Variants in SPATS2L observed in about 807,000 individuals in gnomAD.
SPATS2L encodes the protein spermatogenesis associated serine rich 2 like.
Under a neutral mutation model 59.6 loss-of-function variants are expected in SPATS2L, and 30 were observed. The ratio of observed to expected loss-of-function variants is 0.50; its 90% CI spans 0.38 to 0.68. The LOEUF is 0.68. Among genes scored for constraint, SPATS2L ranks in the 30% least tolerant of loss-of-function variants. The pLI, the probability that SPATS2L is intolerant of heterozygous loss-of-function variation, is 0.00. For missense variants in SPATS2L, 615 were observed against 700.0 expected (o/e 0.88, Z 1.37); for synonymous variants, 252 against 263.5 (o/e 0.96, Z 0.42).
At chr2:200,465,989 G>GCA (rs1341159342) in intron 9 of SPATS2L, among the ~76,000 whole-genome samples, 20 of 152,318 alleles carry the variant, frequency 1.3e-4, no homozygotes, top group Admixed American at 2.6e-4. Context: ...CCGAGATCAT[G>GCA]CCACGGCACT....
intron 11 of SPATS2L, among the ~76,000 whole-genome samples, chr2:200,470,590 A>G (rs1574726263): frequency 2.0e-5 from 3 of 152,020 alleles, no homozygotes; most frequent in Admixed American, 2.0e-4. Context: ...TTCCCCCTAC[A>G]CCAGCCCACC....
chr2:200,479,174 A>C lies in SPATS2L; in HGVS notation c.*1143A>C. ...TGCTTTGGCCTCCGAAACTGCCGGAATTACAGGCATGAGCCACCGTACCCG... is the reference window on the plus strand; with the variant it reads ...TGCTTTGGCCTCCGAAACTGCCGGACTTACAGGCATGAGCCACCGTACCCG... On this transcript the variant is annotated 3_prime_UTR_variant, in exon 13 of 13. Coordinates refer to ENST00000409140, the MANE Select transcript of SPATS2L (RefSeq NM_001100423.2). 1 of 166,118 alleles carries C rather than the reference A, an allele frequency of 6.0e-6. No homozygotes were observed. 10.3% of individuals were successfully genotyped at this position (166,118 alleles called of 1,614,324 possible).
At chr2:200,382,333 C>A (rs545401492) in intron 2 of SPATS2L, among the ~76,000 whole-genome samples, 40 of 152,290 alleles carry the variant, frequency 2.6e-4, no homozygotes, top group African/African-American at 8.4e-4. Flanking sequence ...CCTCGGCCTC[C>A]CAAAATGCTG....
intron 7 of SPATS2L, 121 bp from the exon 8 acceptor site, chr2:200,440,528 C>A: frequency 1.0e-6 from 1 of 972,638 alleles, no homozygotes; most frequent in Non-Finnish European, 1.5e-6. Flanking sequence ...CCTGATGGAA[C>A]TTTTACTAGA....
Position 200,450,478 on chromosome 2 carries a change from C to T in SPATS2L, c.789-9291C>T, listed in dbSNP as rs552573357. Among the ~76,000 whole-genome samples, 77 of 152,330 alleles carry T rather than the reference C, an allele frequency of 5.1e-4. 1 individual carries two copies. Among genetic ancestry groups the T allele is most frequent in the African/African-American group, 1.8e-3 (74 of 41,576 alleles). ...CCACTTCTGAATGTCACAGTTGCCA[C>T]CAAAACAGCTCCCCTTCCCCTTTCT... On this transcript the variant is annotated intron_variant, in intron 8 of 12. Transcript: ENST00000409140.
chr2:200,363,350 T>A (rs1334323644), intron 2 of SPATS2L, among the ~76,000 whole-genome samples: 1 of 152,240 alleles, frequency 6.6e-6, no homozygotes, highest in East Asian at 1.9e-4. Flanking sequence ...CTTATTTGTT[T>A]ACTTGACTAG....
intron 9 of SPATS2L, among the ~76,000 whole-genome samples, chr2:200,466,299 C>T (rs568686283): frequency 6.6e-6 from 1 of 151,998 alleles, no homozygotes; most frequent in South Asian, 2.1e-4. Context: ...TAGATGAATA[C>T]CTTTTTTCTT....
At chr2:200,360,742 G>C (rs925297007) in intron 2 of SPATS2L, among the ~76,000 whole-genome samples, 1 of 152,134 alleles carries the variant, frequency 6.6e-6, no homozygotes, top group Admixed American at 6.5e-5. Context: ...ATAAGCTCTT[G>C]TGTTGTTTCA....
intron 2 of SPATS2L, among the ~76,000 whole-genome samples, chr2:200,331,738 T>G: frequency 6.6e-6 from 1 of 152,170 alleles, no homozygotes; most frequent in East Asian, 1.9e-4. Flanking sequence ...AGCCCATATA[T>G]GGAAAGTATA....
At chr2:200,318,432 C>T (rs940632941) in intron 1 of SPATS2L, among the ~76,000 whole-genome samples, 12 of 152,280 alleles carry the variant, frequency 7.9e-5, no homozygotes, top group East Asian at 3.9e-4. Context: ...TGTAAATCTA[C>T]GTCCTCAAAA....
chr2:200,430,741 A>C, intron 6 of SPATS2L, among the ~76,000 whole-genome samples: 1 of 136,098 alleles, frequency 7.3e-6, no homozygotes. Flanking sequence ...TTTTTGAGAC[A>C]GAGTCTTGCT....
At chr2:200,361,788 C>T (rs1258992642) in intron 2 of SPATS2L, among the ~76,000 whole-genome samples, 1 of 152,170 alleles carries the variant, frequency 6.6e-6, no homozygotes, top group Non-Finnish European at 1.5e-5. Context: ...TTACTGGTTT[C>T]TGTGTGCTTC....
intron 6 of SPATS2L, among the ~76,000 whole-genome samples, chr2:200,431,758 A>G (rs903558775): frequency 6.6e-6 from 1 of 152,232 alleles, no homozygotes. Flanking sequence ...TTGAATACAC[A>G]CATGGCTGTA....
At chr2:200,470,829 A>G (rs1051233860) in intron 11 of SPATS2L, among the ~76,000 whole-genome samples, 1 of 152,200 alleles carries the variant, frequency 6.6e-6, no homozygotes, top group African/African-American at 2.4e-5. Context: ...ATTTTTTCAT[A>G]TCAATATATT....
intron 9 of SPATS2L, among the ~76,000 whole-genome samples, chr2:200,461,815 A>T (rs1215951689): frequency 1.3e-5 from 2 of 152,204 alleles, no homozygotes; most frequent in Admixed American, 6.5e-5. Context: ...ATTTTATGGA[A>T]AATAGCTATC....
chr2:200,472,735 C>T, intron 11 of SPATS2L, 97 bp from the exon 12 acceptor site: 1 of 1,056,038 alleles, frequency 9.5e-7, no homozygotes, highest in Non-Finnish European at 1.4e-6. Context: ...TGTGGAGCTC[C>T]TGGCCAGTTT....
At chr2:200,441,830 C>G (rs751347893) in intron 8 of SPATS2L, among the ~76,000 whole-genome samples, 7 of 152,172 alleles carry the variant, frequency 4.6e-5, no homozygotes, top group Non-Finnish European at 1.0e-4. Flanking sequence ...TCCCGTGATT[C>G]TAGAATTTGA....
intron 11 of SPATS2L, 129 bp from the exon 12 acceptor site, chr2:200,472,703 A>G (rs1224512760): frequency 2.5e-6 from 2 of 788,038 alleles, no homozygotes; most frequent in East Asian, 5.3e-5. Flanking sequence ...ACATCTTTCA[A>G]AAGAAAACTT....
chr2:200,409,473 T>G (rs886848156), intron 3 of SPATS2L, among the ~76,000 whole-genome samples: 1 of 152,208 alleles, frequency 6.6e-6, no homozygotes, highest in African/African-American at 2.4e-5. Flanking sequence ...TTCACACAAT[T>G]TCTCCATCTT....
Sources: gnomAD v4.1 joint callset for allele counts (sites outside exome capture counted in the v4.1 genomes callset) on GRCh38, gnomAD v4.1.1 for gene constraint, MANE v1.5 for transcripts, NCBI Gene and HGNC (gene_info 2026-07-23, HGNC 2026-07-21) for gene names.